The following GATA4 variants were observed in gnomAD, a reference collection of about 807,000 sequenced individuals.
GATA4 encodes the protein GATA binding protein 4, also known as transcription factor GATA-4.
A neutral mutation model predicts 37.9 loss-of-function variants in GATA4; 7 were observed. The ratio of observed to expected loss-of-function variants is 0.18; its 90% CI spans 0.11 to 0.35. The LOEUF is 0.35. GATA4 is among the 10% of genes least tolerant of loss of function. The pLI is 1.00. For missense variants in GATA4, 647 were observed against 653.0 expected (o/e 0.99, Z 0.10); for synonymous variants, 372 against 292.6 (o/e 1.27, Z -2.77).
intron 2 of GATA4, among the ~76,000 whole-genome samples, chr8:11,727,987 A>C (rs758278274): frequency 2.0e-5 from 3 of 152,166 alleles, no homozygotes; most frequent in Non-Finnish European, 4.4e-5. Context: ...GTTAGTCTGC[A>C]TTTACTTATT....
chr8:11,684,041 C>T (rs1270702655), intron 1 of GATA4, among the ~76,000 whole-genome samples: 4 of 152,244 alleles, frequency 2.6e-5, no homozygotes, highest in African/African-American at 4.8e-5. Flanking sequence ...GTTCCCCTGC[C>T]CAGGGCAACC....
intron 2 of GATA4, among the ~76,000 whole-genome samples, chr8:11,746,239 GA>G (rs549884230): frequency 6.6e-6 from 1 of 150,814 alleles, no homozygotes; most frequent in East Asian, 1.9e-4. Context: ...AAAAAAAAAG[GA>G]AAAAAAAAGA....
At chr8:11,682,702 C>T (rs370379626) in intron 1 of GATA4, among the ~76,000 whole-genome samples, 1 of 152,192 alleles carries the variant, frequency 6.6e-6, no homozygotes, top group South Asian at 2.1e-4. Context: ...TGAAAGTCAG[C>T]TATGTCTCCT....
chr8:11,679,177 T>TGG (rs139702828), intron 1 of GATA4, among the ~76,000 whole-genome samples: 18,452 of 129,054 alleles, frequency 0.14, 2,262 homozygotes, highest in Non-Finnish European at 0.2. Context: ...TCCGAATAAT[T>TGG]GCGGGGGGGG....
intron 2 of GATA4, among the ~76,000 whole-genome samples, chr8:11,735,645 C>T (rs995099492): frequency 1.3e-5 from 2 of 152,184 alleles, no homozygotes; most frequent in African/African-American, 2.4e-5. Flanking sequence ...TCACTGCAAC[C>T]TCCTCCTTCC....
Position 11,758,763 on chromosome 8 carries a change from G to A in GATA4, c.*288G>A. 4.2e-6 allele frequency: 2 copies of A among 476,362 alleles called. No homozygotes were observed. Among genetic ancestry groups the A allele is most frequent in the Non-Finnish European group, 7.7e-6 (2 of 258,798 alleles). 29.5% of individuals were successfully genotyped at this position (476,362 alleles called of 1,614,324 possible). ...CTTTCCCAAGATGTCCTTGTCCCCT[G>A]CGTTCCCCACTGTGGCCTAGACCGT... is the stretch of plus-strand genomic sequence containing the variant. On this transcript the variant is annotated 3_prime_UTR_variant, in exon 7 of 7. Coordinates refer to ENST00000532059, the MANE Select transcript of GATA4 (RefSeq NM_001308093.3).
At chr8:11,733,680 A>G (rs1801314738) in intron 2 of GATA4, among the ~76,000 whole-genome samples, 1 of 152,248 alleles carries the variant, frequency 6.6e-6, no homozygotes, top group African/African-American at 2.4e-5. Flanking sequence ...GATATGGAAA[A>G]ATGTCTAAAC....
chr8:11,721,209 G>T (rs1348821950), intron 2 of GATA4, among the ~76,000 whole-genome samples: 1 of 151,266 alleles, frequency 6.6e-6, no homozygotes, highest in African/African-American at 2.4e-5. Context: ...TGAAGTCAAG[G>T]CCAGGCTTCC....
chr8:11,757,973 AGTGGAT>A (rs1802688888), intron 6 of GATA4, among the ~76,000 whole-genome samples: 1 of 152,194 alleles, frequency 6.6e-6, no homozygotes, highest in South Asian at 2.1e-4. Flanking sequence ...TTTGTTGGAA[AGTGGAT>A]GTGGTGGTGA....
intron 2 of GATA4, among the ~76,000 whole-genome samples, chr8:11,733,225 A>T (rs895453535): frequency 3.3e-5 from 5 of 152,300 alleles, no homozygotes; most frequent in Admixed American, 3.3e-4. Context: ...ACTCCCTCAA[A>T]CAAATCTATA....
chr8:11,684,593 T>A (rs530094390), intron 1 of GATA4, among the ~76,000 whole-genome samples: 3 of 152,312 alleles, frequency 2.0e-5, no homozygotes, highest in Admixed American at 1.3e-4. Context: ...TTGAATTCCA[T>A]CTCCTCCACT....
intron 2 of GATA4, among the ~76,000 whole-genome samples, chr8:11,710,617 G>C (rs950402591): frequency 9.3e-5 from 14 of 150,138 alleles, no homozygotes; most frequent in African/African-American, 3.2e-4. Context: ...TTGAACCCGG[G>C]AGGCAGAAGT....
chr8:11,685,502 C>T (rs377600923), intron 1 of GATA4, among the ~76,000 whole-genome samples: 1 of 152,160 alleles, frequency 6.6e-6, no homozygotes, highest in Non-Finnish European at 1.5e-5. Flanking sequence ...ATGACTGGTG[C>T]GCTTTCGTAG....
At chr8:11,680,880 G>T (rs1032892009) in intron 1 of GATA4, 6 of 985,186 alleles carry the variant, frequency 6.1e-6, no homozygotes, top group African/African-American at 1.7e-5. Flanking sequence ...TCTCAGTTGC[G>T]ACCCCCTGTG....
chr8:11,749,141 G>C lies in GATA4; in HGVS notation c.786+56G>C. 6.4e-7 allele frequency: 1 copy of C among 1,573,576 alleles called. No individual in the cohort carries two copies. The highest frequency in any genetic ancestry group is 8.7e-7 in the Non-Finnish European group (1 of 1,150,516). On this transcript the variant is annotated intron_variant, in intron 3 of 6. Transcript: ENST00000532059. This position sits in a 1 kb window ranked among gnomAD's most constrained non-coding sequence, Gnocchi z 4.6. ...CACCTGGCTGCGGAGCTCTCGCCTTGGTGGGACATCCTCTGGTTTTGAATT... is the reference window on the plus strand; with the variant it reads ...CACCTGGCTGCGGAGCTCTCGCCTTCGTGGGACATCCTCTGGTTTTGAATT...
intron 2 of GATA4, among the ~76,000 whole-genome samples, chr8:11,725,762 C>A (rs753248390): frequency 1.1e-4 from 16 of 152,186 alleles, no homozygotes; most frequent in Non-Finnish European, 1.5e-4. Context: ...TTACTCGGCA[C>A]CTTGGCAATC....
chr8:11,708,308 G>C lies in GATA4; in HGVS notation c.-5G>C. 6.3e-7 allele frequency: 1 copy of C among 1,583,062 alleles called. No individual in the cohort carries two copies. Among genetic ancestry groups the C allele is most frequent in the Non-Finnish European group, 8.5e-7 (1 of 1,172,274 alleles). On this transcript the variant is annotated 5_prime_UTR_variant, in exon 2 of 7. Coordinates refer to ENST00000532059, the MANE Select transcript of GATA4 (RefSeq NM_001308093.3). The surrounding 1 kb of genome is among the most constrained non-coding windows in gnomAD (Gnocchi z 6.7). ...GGACACCGAAGCCGGGAGCTCGCAG[G>C]GACCATGTATCAGAGCTTGGCCATG...
At chr8:11,722,052 T>TGCCC (rs984059206) in intron 2 of GATA4, among the ~76,000 whole-genome samples, 6 of 152,220 alleles carry the variant, frequency 3.9e-5, no homozygotes, top group African/African-American at 1.4e-4. Context: ...CTCACTTTGT[T>TGCCC]GCCCACACTG....
upstream of GATA4, among the ~76,000 whole-genome samples, chr8:11,687,989 A>C (rs918324623): frequency 6.6e-6 from 1 of 152,190 alleles, no homozygotes; most frequent in African/African-American, 2.4e-5. Flanking sequence ...TACCAAGCCC[A>C]TTTTTATGGC....
Sources: gnomAD v4.1 joint callset for allele counts (sites outside exome capture counted in the v4.1 genomes callset) on GRCh38, gnomAD v4.1.1 for gene constraint, Gnocchi (gnomAD v3.1) non-coding constraint, MANE v1.5 for transcripts, NCBI Gene and HGNC (gene_info 2026-07-23, HGNC 2026-07-21) for gene names.